The following RYR3 variants were observed in gnomAD, a reference collection of about 807,000 sequenced individuals.
The protein encoded by RYR3 is brain ryanodine receptor-calcium release channel.
RYR3 carries 207 observed loss-of-function variants against 584.3 expected under a neutral mutation model. The observed-to-expected ratio is 0.35, with a 90% CI of 0.32 to 0.40. RYR3 has a LOEUF of 0.40. RYR3 is among the 10% of genes least tolerant of loss of function. RYR3 has a pLI of 1.00. For missense variants in RYR3, 5,616 were observed against 6,089.2 expected (o/e 0.92, Z 2.59); for synonymous variants, 2,416 against 2,248.5 (o/e 1.07, Z -2.11).
Position 33,742,347 on chromosome 15 carries a change from T to C in RYR3, c.7821-19T>C. On this transcript the variant is annotated intron_variant, in intron 51 of 103. Transcript: ENST00000634891. ...TGAAGTGCTTGGGGAGGTTGTAATT[T>C]TTTTTCCTCATTTCACAGTTTTTCC... 1 of 1,571,652 alleles carries C rather than the reference T, an allele frequency of 6.4e-7. No homozygotes were observed. Among genetic ancestry groups the C allele is most frequent in the Non-Finnish European group, 8.8e-7 (1 of 1,141,558 alleles).
At chr15:33,577,278 AT>A (rs2058348603) in intron 12 of RYR3, among the ~76,000 whole-genome samples, 1 of 152,208 alleles carries the variant, frequency 6.6e-6, no homozygotes, top group Admixed American at 6.5e-5. Flanking sequence ...TTTAAAATTC[AT>A]GTGGAACCAG....
chr15:33,511,365 A>T (rs897487776), intron 3 of RYR3, among the ~76,000 whole-genome samples: 1 of 150,176 alleles, frequency 6.7e-6, no homozygotes, highest in African/African-American at 2.4e-5. Flanking sequence ...TTTAGTAAGC[A>T]TCAGTAGACT....
intron 86 of RYR3, among the ~76,000 whole-genome samples, chr15:33,831,304 G>C (rs2077661170): frequency 6.6e-6 from 1 of 152,210 alleles, no homozygotes; most frequent in South Asian, 2.1e-4. Context: ...TGTTTATAAT[G>C]TTCACACTTT....
Position 33,450,101 on chromosome 15 carries a change from A to AAAAAAAAAAAG in RYR3, c.52-23317_52-23307dup. Among the ~76,000 whole-genome samples, 2 of 149,508 alleles carry AAAAAAAAAAAG rather than the reference A, an allele frequency of 1.3e-5. 1 individual carries two copies. The highest frequency in any genetic ancestry group is 4.9e-5 in the African/African-American group (2 of 40,680). On this transcript the variant is annotated intron_variant, in intron 1 of 103. Coordinates refer to ENST00000634891, the MANE Select transcript of RYR3 (RefSeq NM_001036.6). ...GCATTAATACCTAAAAAAAAAAAAA[A>AAAAAAAAAAAG]AAAAAAAAAAGCCGGCAACTGTGAG...
At chr15:33,671,418 A>G (rs1295983305) in intron 38 of RYR3, among the ~76,000 whole-genome samples, 1 of 152,242 alleles carries the variant, frequency 6.6e-6, no homozygotes. Context: ...AGATAGGATC[A>G]GTTTGTCTGA....
intron 69 of RYR3, among the ~76,000 whole-genome samples, chr15:33,806,337 G>T (rs938297962): frequency 6.6e-6 from 1 of 152,044 alleles, no homozygotes; most frequent in Non-Finnish European, 1.5e-5. Flanking sequence ...TGATTTTGAA[G>T]GTATAAGAAT....
chr15:33,855,392 C>T (rs192837101), intron 98 of RYR3, among the ~76,000 whole-genome samples: 10 of 152,236 alleles, frequency 6.6e-5, no homozygotes, highest in African/African-American at 1.4e-4. Context: ...TTAGTAGAGA[C>T]GGGGTTTCAC....
chr15:33,844,744 G>A, intron 92 of RYR3, 118 bp from the exon 93 acceptor site: 4 of 850,038 alleles, frequency 4.7e-6, no homozygotes, highest in South Asian at 3.7e-5. Context: ...CATTCAGCAA[G>A]TAATGTTGAG....
intron 1 of RYR3, among the ~76,000 whole-genome samples, chr15:33,380,506 C>T (rs753471830): frequency 9.2e-5 from 14 of 152,158 alleles, no homozygotes; most frequent in Non-Finnish European, 1.5e-4. Flanking sequence ...GATGGCTGAG[C>T]GATTAGCTAC....
Position 33,585,983 on chromosome 15 carries a change from G to A in RYR3, c.1670-15G>A. The A allele has an allele frequency of 6.6e-7, 1 of 1,514,206 alleles. No homozygotes were observed. Among genetic ancestry groups the A allele is most frequent in the Non-Finnish European group, 9.2e-7 (1 of 1,088,982 alleles). 93.8% of individuals were successfully genotyped at this position (1,514,206 alleles called of 1,614,324 possible). On this transcript the variant is annotated splice_polypyrimidine_tract_variant and intron_variant, in intron 15 of 103. Transcript: ENST00000634891. ...CATTTAATGTCCAAATTTGATGTTTGTGGCATTCATGTAGGTATCTTGGAA... is the reference window on the plus strand; with the variant it reads ...CATTTAATGTCCAAATTTGATGTTTATGGCATTCATGTAGGTATCTTGGAA...
intron 37 of RYR3, among the ~76,000 whole-genome samples, chr15:33,669,799 G>A (rs1216508967): frequency 8.2e-6 from 1 of 122,320 alleles, no homozygotes; most frequent in African/African-American, 3.1e-5. Context: ...GGTGAGACAA[G>A]ATTCTGATCT....
chr15:33,311,288 C>A lies in RYR3; in HGVS notation c.51+192C>A, dbSNP rs547893012. 6.6e-6 allele frequency among the ~76,000 whole-genome samples: 1 copy of A among 152,284 alleles called. No homozygotes were observed. Among genetic ancestry groups the A allele is most frequent in the South Asian group, 2.1e-4 (1 of 4,832 alleles). Reference sequence around the variant, plus strand: ...CGAGGGGCTGCGTGGGAAGGGGCACCATCTCCTGCCTCTCCCTTGTTCCCC... The same window carrying A: ...CGAGGGGCTGCGTGGGAAGGGGCACAATCTCCTGCCTCTCCCTTGTTCCCC... On this transcript the variant is annotated intron_variant, in intron 1 of 103. Coordinates refer to ENST00000634891, the MANE Select transcript of RYR3 (RefSeq NM_001036.6). This position sits in a 1 kb window ranked among gnomAD's most constrained non-coding sequence, Gnocchi z 4.4.
chr15:33,688,397 C>T (rs112065752), intron 38 of RYR3, among the ~76,000 whole-genome samples: 1 of 151,842 alleles, frequency 6.6e-6, no homozygotes, highest in African/African-American at 2.4e-5. Context: ...CATGGTGAAA[C>T]CCCGTCTCTA....
chr15:33,774,583 G>A (rs1038315125), intron 64 of RYR3, among the ~76,000 whole-genome samples: 1 of 152,136 alleles, frequency 6.6e-6, no homozygotes, highest in Non-Finnish European at 1.5e-5. Flanking sequence ...CTGACTTGAA[G>A]TCATGTACTA....
chr15:33,619,558 T>G (rs1402477721), intron 19 of RYR3, among the ~76,000 whole-genome samples: 1 of 152,252 alleles, frequency 6.6e-6, no homozygotes, highest in African/African-American at 2.4e-5. Flanking sequence ...TGTAACTCCA[T>G]GCTCTGGAGA....
chr15:33,391,947 C>G (rs1265723205), intron 1 of RYR3, among the ~76,000 whole-genome samples: 1 of 152,054 alleles, frequency 6.6e-6, no homozygotes, highest in Non-Finnish European at 1.5e-5. Flanking sequence ...TTAATCCTAC[C>G]CATCCTTCAG....
At chr15:33,708,550 CTT>C (rs2066877142) in intron 43 of RYR3, among the ~76,000 whole-genome samples, 1 of 152,116 alleles carries the variant, frequency 6.6e-6, no homozygotes, top group South Asian at 2.1e-4. Flanking sequence ...TATTTTATAT[CTT>C]TTCAATATAT....
chr15:33,818,679 G>C lies in RYR3; in HGVS notation c.10701G>C (p.Glu3567Asp). The C allele has an allele frequency of 1.9e-6, 3 of 1,612,684 alleles. No homozygotes were observed. Among genetic ancestry groups the C allele is most frequent in the Non-Finnish European group, 2.5e-6 (3 of 1,179,060 alleles). ...ATTTTAGCCGCAACGCTCTCACGGA[G>C]AGGAGGTCAGAACCACCAGCTCACC... ...ILYFSRNALT[E>D]RSKLEDDPLY... The change falls in exon 76 of 104, where the codon GAG (glutamate) becomes GAC (aspartate). Residue 3567 changes from glutamate (E) to aspartate (D), a missense_variant. Transcript: ENST00000634891.
At position 33,391,219 on chromosome 15, in the gene RYR3, G is replaced by A. The variant is rs185577401; in HGVS notation, c.51+80123G>A. Reference sequence around the variant, plus strand: ...GACATGGTTTCTAAGAAAGGCCTGGGATTCCAACCGTTTTGAACTGGTGTG... The same window carrying A: ...GACATGGTTTCTAAGAAAGGCCTGGAATTCCAACCGTTTTGAACTGGTGTG... On this transcript the variant is annotated intron_variant, in intron 1 of 103. Coordinates refer to ENST00000634891, the MANE Select transcript of RYR3 (RefSeq NM_001036.6). Among the ~76,000 whole-genome samples the A allele has an allele frequency of 1.4e-4, 21 of 152,316 alleles. No individual in the cohort carries two copies. The East Asian group carries it at 3.7e-3, about 27-fold the overall frequency.
Sources: allele counts gnomAD v4.1 joint callset (sites outside exome capture counted in the v4.1 genomes callset), GRCh38; gene constraint gnomAD v4.1.1; non-coding constraint Gnocchi (gnomAD v3.1); transcripts MANE v1.5; gene names NCBI Gene and HGNC (gene_info 2026-07-23, HGNC 2026-07-21).